OR10G4: variants seen among roughly 807,000 people sequenced by gnomAD.
OR10G4 encodes the protein olfactory receptor family 10 subfamily G member 4.
For synonymous variants in OR10G4, 130 were observed against 159.3 expected (o/e 0.82, Z 1.39); for missense variants, 318 against 388.8 (o/e 0.82, Z 1.53).
chr11:124,016,445 A>G lies in OR10G4; in HGVS notation c.871A>G (p.Asn291Asp), dbSNP rs375720557. The change falls in exon 2 of 2, where the codon AAC becomes GAC. Residue 291 changes from asparagine to aspartate, a missense_variant. Coordinates refer to ENST00000641722, the MANE Select transcript of OR10G4 (RefSeq NM_001004462.2). ...CAACCCTGTTGTGTACACCCTGAGA[A>G]ACAAGGAGGTGAAGAAAGCTGTGTT... ...LLNPVVYTLRNKEVKKAVLKL... is the reference protein window; with the variant it reads ...LLNPVVYTLRDKEVKKAVLKL... 6 of 1,613,350 alleles carry G rather than the reference A, an allele frequency of 3.7e-6. No homozygotes were observed. The highest frequency in any genetic ancestry group is 5.1e-6 in the Non-Finnish European group (6 of 1,179,812).
rs913441248 is a variant in OR10G4, at chr11:124,016,086, A to G, written c.512A>G (p.Asn171Ser). The G allele has an allele frequency of 8.7e-6, 14 of 1,613,794 alleles. 1 individual carries two copies. The highest frequency in any genetic ancestry group is 2.2e-5 in the South Asian group (2 of 91,072). ...LTFHLPYCGP[N>S]QIQHYFCDAP... is the part of the protein sequence containing the mutation. ...TTCCATTTGCCCTACTGTGGACCCA[A>G]CCAGATCCAGCACTACTTCTGTGAC... The change falls in exon 2 of 2, where the codon AAC becomes AGC. Residue 171 changes from asparagine (N) to serine (S), a missense_variant. Physicochemically the swap from Asn to Ser is conservative, Grantham distance 46 (BLOSUM62 1). Coordinates refer to ENST00000641722, the MANE Select transcript of OR10G4 (RefSeq NM_001004462.2).
At chr11:124,013,181 T>C (rs1307021058) in intron 1 of OR10G4, 69 bp downstream of exon 1, 1 of 152,242 alleles carries the variant, frequency 6.6e-6, no homozygotes, top group Non-Finnish European at 1.5e-5. Context: ...ATCTTAACTT[T>C]AATTCAGAGC....
In OR10G4 at chr11:124,015,940, C is replaced by T; in HGVS notation, c.366C>T (p.Tyr122=). 1 of 1,613,962 alleles carries T rather than the reference C, an allele frequency of 6.2e-7. No homozygotes were observed. Among genetic ancestry groups the T allele is most frequent in the Non-Finnish European group, 8.5e-7 (1 of 1,179,942 alleles). The stretch of plus-strand genomic sequence containing the variant: ...ACACAGTCATGTCCTATGATCGCTA[C>T]TTGGCCATCAGTTACCCGCTCAGGT... ...FLYTVMSYDR[Y]LAISYPLRYT... The change falls in exon 2 of 2, where the codon TAC becomes TAT. Residue 122 remains tyrosine (Y), a synonymous_variant. Transcript: ENST00000641722.
rs535448505 is a variant in OR10G4, at chr11:124,018,563, G to C, written c.*2053G>C. On this transcript the variant is annotated 3_prime_UTR_variant, in exon 2 of 2. Transcript: ENST00000641722. ...TTCTTATGGCTGCATAGTATTCCATGGTGTATATGTGCCACATTTTCTTTA... is the reference window on the plus strand; with the variant it reads ...TTCTTATGGCTGCATAGTATTCCATCGTGTATATGTGCCACATTTTCTTTA... 2.2e-3 allele frequency: 336 copies of C among 152,178 alleles called. No homozygotes were observed. The highest frequency in any genetic ancestry group is 7.9e-3 in the African/African-American group (327 of 41,504). The allele number at this position is 152,178 out of a possible 1,614,324, so 9.4% of individuals were successfully genotyped here.
At position 124,017,730 on chromosome 11, in the gene OR10G4, C is replaced by T. The variant is rs1864033000; in HGVS notation, c.*1220C>T. 1 of 152,098 alleles carries T rather than the reference C, an allele frequency of 6.6e-6. No homozygotes were observed. The highest frequency in any genetic ancestry group is 2.4e-5 in the African/African-American group (1 of 41,394). 9.4% of individuals were successfully genotyped at this position (152,098 alleles called of 1,614,324 possible). On this transcript the variant is annotated 3_prime_UTR_variant, in exon 2 of 2. Coordinates refer to ENST00000641722, the MANE Select transcript of OR10G4 (RefSeq NM_001004462.2). ...AAAATCCCAGCGTTTGATTTTGCAG[C>T]TATGGACATGTGGATCTTAAAGTGC...
chr11:124,018,554 G>A lies in OR10G4; in HGVS notation c.*2044G>A, dbSNP rs1864040410. On this transcript the variant is annotated 3_prime_UTR_variant, in exon 2 of 2. Coordinates refer to ENST00000641722, the MANE Select transcript of OR10G4 (RefSeq NM_001004462.2). ...ACTCATCCTTTCTTATGGCTGCATA[G>A]TATTCCATGGTGTATATGTGCCACA... is the stretch of plus-strand genomic sequence containing the variant. 2 of 152,124 alleles carry A rather than the reference G, an allele frequency of 1.3e-5. No individual in the cohort carries two copies. Among genetic ancestry groups the A allele is most frequent in the Admixed American group, 1.3e-4 (2 of 15,274 alleles). The allele number at this position is 152,124 out of a possible 1,614,324, so 9.4% of individuals were successfully genotyped here.
intron 1 of OR10G4, among the ~76,000 whole-genome samples, chr11:124,014,731 C>A (rs1864000251): frequency 6.6e-6 from 1 of 152,054 alleles, no homozygotes; most frequent in Admixed American, 6.6e-5. Context: ...TTCCTAGTAA[C>A]AATTAAATTC....
chr11:124,013,370 C>T (rs529703146), intron 1 of OR10G4, among the ~76,000 whole-genome samples: 1 of 152,274 alleles, frequency 6.6e-6, no homozygotes, highest in East Asian at 1.9e-4. Context: ...CAATGGACTT[C>T]ACCTCATAAA....
chr11:124,015,331 T>C (rs1413037892), intron 1 of OR10G4: 1 of 574,892 alleles, frequency 1.7e-6, no homozygotes, highest in East Asian at 2.8e-5. Context: ...TTCTCTACTT[T>C]CTTCTGCATG....
At position 124,017,272 on chromosome 11, in the gene OR10G4, T is replaced by C. The variant is rs1453760678; in HGVS notation, c.*762T>C. ...CTACATATATAATTGTTTACGCACTTTATACATTTGCACCCATTTTTAATG... is the reference window on the plus strand; with the variant it reads ...CTACATATATAATTGTTTACGCACTCTATACATTTGCACCCATTTTTAATG... On this transcript the variant is annotated 3_prime_UTR_variant, in exon 2 of 2. Transcript: ENST00000641722. 1 of 152,200 alleles carries C rather than the reference T, an allele frequency of 6.6e-6. No individual in the cohort carries two copies. Among genetic ancestry groups the C allele is most frequent in the East Asian group, 1.9e-4 (1 of 5,194 alleles). The allele number at this position is 152,200 out of a possible 1,614,324, so 9.4% of individuals were successfully genotyped here. A position where few individuals can be genotyped will look rare whatever the true frequency, so the allele number is the denominator to read the frequency against.
At chr11:124,015,359 G>T in intron 1 of OR10G4, 189 bp from the exon 2 acceptor site, 1 of 617,420 alleles carries the variant, frequency 1.6e-6, no homozygotes, top group Non-Finnish European at 2.9e-6. Flanking sequence ...CTGTGTGTGT[G>T]CACCTGTGTG....
chr11:124,016,219 G>C lies in OR10G4; in HGVS notation c.645G>C (p.Leu215=), dbSNP rs141555350. 57 of 1,614,222 alleles carry C rather than the reference G, an allele frequency of 3.5e-5. No homozygotes were observed. The African/African-American group carries it at 5.5e-4, about 15-fold the overall frequency. The change falls in exon 2 of 2, where the codon CTG becomes CTC. Residue 215 remains leucine (L), a synonymous_variant. Transcript: ENST00000641722. ...VASGCFVLIV[L]SYVSIVCSIL... ...CAGGCTGCTTTGTCCTGATAGTGCT[G>C]TCCTATGTGTCCATCGTCTGTTCCA...
At position 124,015,280 on chromosome 11, in the gene OR10G4, G is replaced by C. The variant is rs113656908; in HGVS notation, c.-27-268G>C. ...TTACACGTTTTATGGCACTAAGTTT[G>C]TGTTATTTTTTAATATATCAATGGA... On this transcript the variant is annotated intron_variant, in intron 1 of 1. Coordinates refer to ENST00000641722, the MANE Select transcript of OR10G4 (RefSeq NM_001004462.2). 2.3e-5 allele frequency: 11 copies of C among 473,512 alleles called. 1 individual carries two copies. The highest frequency in any genetic ancestry group is 1.4e-4 in the African/African-American group (7 of 51,782). The allele number at this position is 473,512 out of a possible 1,614,324, so 29.3% of individuals were successfully genotyped here. A position where few individuals can be genotyped will look rare whatever the true frequency, so the allele number is the denominator to read the frequency against.
Position 124,016,267 on chromosome 11 carries a change from T to G in OR10G4, c.693T>G (p.Asp231Glu), listed in dbSNP as rs144615790. 207 of 1,614,104 alleles carry G rather than the reference T, an allele frequency of 1.3e-4. No individual in the cohort carries two copies. Among genetic ancestry groups the G allele is most frequent in the African/African-American group, 6.3e-4 (47 of 75,062 alleles). ...VCSILRIRTS[D>E]GRRRAFQTCA... ...CCATCCTGCGGATCCGCACCTCAGA[T>G]GGGAGGCGCAGAGCCTTTCAGACCT... The change falls in exon 2 of 2, where the codon GAT (aspartate) becomes GAG (glutamate). Residue 231 changes from aspartate to glutamate, a missense_variant. Coordinates refer to ENST00000641722, the MANE Select transcript of OR10G4 (RefSeq NM_001004462.2).
intron 1 of OR10G4, among the ~76,000 whole-genome samples, chr11:124,014,379 C>T (rs1863997023): frequency 6.6e-6 from 1 of 152,298 alleles, no homozygotes; most frequent in South Asian, 2.1e-4. Context: ...TGCTGCGAGG[C>T]ACAATGTCAT....
At position 124,016,264 on chromosome 11, in the gene OR10G4, A is replaced by C. The variant is rs1864018759; in HGVS notation, c.690A>C (p.Ser230=). The C allele has an allele frequency of 1.2e-6, 2 of 1,614,142 alleles. No homozygotes were observed. The highest frequency in any genetic ancestry group is 3.3e-5 in the Admixed American group (2 of 60,022). Residue 230 remains serine (S), a synonymous_variant, in exon 2 of 2, where the codon TCA becomes TCC. Coordinates refer to ENST00000641722, the MANE Select transcript of OR10G4 (RefSeq NM_001004462.2). ...GTTCCATCCTGCGGATCCGCACCTC[A>C]GATGGGAGGCGCAGAGCCTTTCAGA... The part of the protein sequence containing the change: ...IVCSILRIRT[S]DGRRRAFQTC...
Position 124,015,550 on chromosome 11 carries a change from GGAGA to G in OR10G4, c.-20_-17del. ...CTGGGTGCTCTTTATATCCCCAGAG[GGAGA>G]GAGACCAAGGGTGAGAAGAAATGTC... On this transcript the variant is annotated 5_prime_UTR_variant, in exon 2 of 2. The change creates a premature stop within an existing upstream ORF in the 5' untranslated region. Coordinates refer to ENST00000641722, the MANE Select transcript of OR10G4 (RefSeq NM_001004462.2). 1 of 1,604,552 alleles carries G rather than the reference GGAGA, an allele frequency of 6.2e-7. No homozygotes were observed. The highest frequency in any genetic ancestry group is 8.5e-7 in the Non-Finnish European group (1 of 1,173,812).
At chr11:124,014,938 C>G (rs1864002152) in intron 1 of OR10G4, 1 of 153,520 alleles carries the variant, frequency 6.5e-6, no homozygotes, top group Non-Finnish European at 1.4e-5. Flanking sequence ...CTACAGTAAA[C>G]TGGACAGAGA....
chr11:124,016,655 A>C lies in OR10G4; in HGVS notation c.*145A>C. The C allele has an allele frequency of 1.7e-6, 1 of 574,906 alleles. No homozygotes were observed. The highest frequency in any genetic ancestry group is 2.9e-6 in the Non-Finnish European group (1 of 340,170). 35.6% of individuals were successfully genotyped at this position (574,906 alleles called of 1,614,324 possible). A position where few individuals can be genotyped will look rare whatever the true frequency, so the allele number is the denominator to read the frequency against. ...TTATAATTCTTCCACAGATTGTCTA[A>C]GACAGTTTTAACCTCACAGCTAGAC... On this transcript the variant is annotated 3_prime_UTR_variant, in exon 2 of 2. Coordinates refer to ENST00000641722, the MANE Select transcript of OR10G4 (RefSeq NM_001004462.2).
Sources: gnomAD v4.1 joint callset for allele counts (sites outside exome capture counted in the v4.1 genomes callset) on GRCh38, gnomAD v4.1.1 for gene constraint, MANE v1.5 for transcripts, NCBI Gene and HGNC (gene_info 2026-07-23, HGNC 2026-07-21) for gene names.